NPM2: variants seen among roughly 807,000 people sequenced by gnomAD.
NPM2 encodes nucleophosmin/nucleoplasmin 2.
NPM2 carries 25 observed loss-of-function variants against 32.0 expected under a neutral mutation model. The ratio of observed to expected loss-of-function variants is 0.78; its 90% confidence interval spans 0.57 to 1.09. The LOEUF is 1.09. Among genes scored for constraint, NPM2 ranks in the 50% least tolerant of loss-of-function variants. The pLI, the probability that NPM2 is intolerant of heterozygous loss-of-function variation, is 0.00. For synonymous variants in NPM2, 111 were observed against 94.2 expected (o/e 1.18, Z -1.04); for missense variants, 282 against 259.9 (o/e 1.08, Z -0.58).
At chr8:22,028,862 GTCTGTAT>G (rs1554524702) in intron 5 of NPM2, among the ~76,000 whole-genome samples, 40 of 152,238 alleles carry the variant, frequency 2.6e-4, no homozygotes, top group Non-Finnish European at 1.3e-4. Context: ...GGCCAGTATA[GTCTGTAT>G]TCATTGTGAT....
chr8:22,034,346 C>A, intron 7 of NPM2, 71 bp downstream of exon 7: 2 of 1,481,688 alleles, frequency 1.3e-6, no homozygotes, highest in Admixed American at 2.0e-5. Flanking sequence ...GGGTGGGCCA[C>A]CGGGAGCCTG....
chr8:22,031,505 G>A (rs1800438602), intron 5 of NPM2, among the ~76,000 whole-genome samples: 1 of 152,192 alleles, frequency 6.6e-6, no homozygotes, highest in African/African-American at 2.4e-5. Flanking sequence ...GCACGCAGTG[G>A]CGCAATCTCG....
rs765646983 is a variant in NPM2, at chr8:22,033,125, T to C, written c.271-5T>C. 5 of 1,612,944 alleles carry C rather than the reference T, an allele frequency of 3.1e-6. No individual in the cohort carries two copies. Among genetic ancestry groups the C allele is most frequent in the Non-Finnish European group, 4.2e-6 (5 of 1,178,960 alleles). ...CCCTGTCTTCTCTGCTTCCTCCCCC[T>C]GCAGGTCTCCATGGTAGGAGTGCAG... On this transcript the variant is annotated splice_polypyrimidine_tract_variant and splice_region_variant and intron_variant, in intron 5 of 9. Transcript: ENST00000518119.
At chr8:22,034,063 G>A (rs562422730) in intron 6 of NPM2, 46 bp from the exon 7 acceptor site, 3 of 1,545,396 alleles carry the variant, frequency 1.9e-6, no homozygotes, top group Admixed American at 1.9e-5. Flanking sequence ...CATTGATTCT[G>A]TAGCTCTGAA....
At chr8:22,030,981 G>T (rs865775087) in intron 5 of NPM2, among the ~76,000 whole-genome samples, 1 of 152,184 alleles carries the variant, frequency 6.6e-6, no homozygotes, top group Non-Finnish European at 1.5e-5. Context: ...CTCATCTTTA[G>T]TTTATTTTGT....
chr8:22,029,812 G>A (rs143007655), intron 5 of NPM2, among the ~76,000 whole-genome samples: 364 of 152,324 alleles, frequency 2.4e-3, no homozygotes, highest in Non-Finnish European at 1.8e-3. Flanking sequence ...CAATGTTGCT[G>A]TTGAAGTCCT....
rs1406398269 is a variant in NPM2 at position 22,025,427 on chromosome 8, C to G, written c.59-9C>G. The G allele has an allele frequency of 6.2e-7, 1 of 1,613,482 alleles. No homozygotes were observed. Among genetic ancestry groups the G allele is most frequent in the South Asian group, 1.1e-5 (1 of 90,978 alleles). ...GAGGGCCCCACTTCCCTCCCTTTCT[C>G]CTCCGCAGGCTGCGAGCTCAGTCAG... is the stretch of plus-strand genomic sequence containing the variant. On this transcript the variant is annotated splice_polypyrimidine_tract_variant and intron_variant, in intron 3 of 9. Coordinates refer to ENST00000518119, the MANE Select transcript of NPM2 (RefSeq NM_001286680.2).
intron 5 of NPM2, among the ~76,000 whole-genome samples, chr8:22,026,142 G>A (rs1050487366): frequency 2.0e-5 from 3 of 152,132 alleles, no homozygotes; most frequent in African/African-American, 7.2e-5. Context: ...AGAGGAGCAT[G>A]AACCCTATGG....
chr8:22,031,151 A>G (rs547701949), intron 5 of NPM2, among the ~76,000 whole-genome samples: 2 of 152,308 alleles, frequency 1.3e-5, no homozygotes, highest in African/African-American at 4.8e-5. Context: ...CAGACCCCAT[A>G]AGTGAGAGGT....
At chr8:22,030,212 C>T (rs1800392496) in intron 5 of NPM2, among the ~76,000 whole-genome samples, 1 of 152,044 alleles carries the variant, frequency 6.6e-6, no homozygotes, top group Non-Finnish European at 1.5e-5. Flanking sequence ...CTGGTTTTTT[C>T]TGCTTTTTAA....
chr8:22,034,569 A>G, intron 8 of NPM2, 25 bp downstream of exon 8: 2 of 1,584,794 alleles, frequency 1.3e-6, no homozygotes, highest in Non-Finnish European at 1.7e-6. Flanking sequence ...CTATTAAATT[A>G]GCCAAAGTCT....
rs1322901814 is a variant in NPM2 at position 22,036,483 on chromosome 8, C to G, written c.567-10C>G. On this transcript the variant is annotated splice_polypyrimidine_tract_variant and intron_variant, in intron 8 of 9. Transcript: ENST00000518119. ...CAATCCCACTCCTGCTCCGCTCCAC[C>G]CTGTTGCAGAGCCAGCGTTAGAGAC... is the stretch of plus-strand genomic sequence containing the variant. The G allele has an allele frequency of 6.2e-7, 1 of 1,603,802 alleles. No individual in the cohort carries two copies. Among genetic ancestry groups the G allele is most frequent in the Non-Finnish European group, 8.5e-7 (1 of 1,175,436 alleles).
chr8:22,025,481 AGC>A lies in NPM2; in HGVS notation c.105_106del (p.Gln35HisfsTer87), dbSNP rs771679903. On this transcript the variant is annotated frameshift_variant, in exon 4 of 10. Transcript: ENST00000518119. LOFTEE classifies it high-confidence loss of function. ...AGGCGGACTTGGACCTTCAGACCCC[AGC>A]TGGAGGGGAAGCAGAGCTGCAGGCT... is the stretch of plus-strand genomic sequence containing the variant. The A allele has an allele frequency of 6.2e-7, 1 of 1,614,134 alleles. No homozygotes were observed. The highest frequency in any genetic ancestry group is 8.5e-7 in the Non-Finnish European group (1 of 1,180,008).
chr8:22,034,382 A>G, intron 7 of NPM2, 107 bp downstream of exon 7: 1 of 1,382,628 alleles, frequency 7.2e-7, no homozygotes, highest in Non-Finnish European at 1.0e-6. Flanking sequence ...ATGAGTGTAC[A>G]GGATGGGCCA....
Position 22,025,726 on chromosome 8 carries a change from T to C in NPM2, c.224T>C (p.Met75Thr). 6.2e-7 allele frequency: 1 copy of C among 1,614,140 alleles called. No individual in the cohort carries two copies. The highest frequency in any genetic ancestry group is 8.5e-7 in the Non-Finnish European group (1 of 1,180,002). The change falls in exon 5 of 10, where the codon ATG becomes ACG. Residue 75 changes from methionine (M) to threonine (T), a missense_variant. Transcript: ENST00000518119. Reference protein sequence around the residue: ...LPPANQEDKKMQPVTIASLQA... With the variant: ...LPPANQEDKKTQPVTIASLQA... ...CCAGCAAACCAGGAGGACAAGAAGA[T>C]GCAGCCGGTCACCATTGCCTCACTC...
chr8:22,036,514 C>A lies in NPM2; in HGVS notation c.588C>A (p.Ser196Arg). Reference protein sequence around the residue: ...EEIRASVRDKSPVKKAKATAR... With the variant: ...EEIRASVRDKRPVKKAKATAR... ...GCAGAGCCAGCGTTAGAGACAAGAG[C>A]CCTGTGAAAAAGGTGAGTAGGACCA... is the stretch of plus-strand genomic sequence containing the variant. Residue 196 changes from serine (S) to arginine (R), a missense_variant, in exon 9 of 10, where the codon AGC becomes AGA. Ser to Arg is a moderately radical substitution (Grantham distance 110, BLOSUM62 -1). Transcript: ENST00000518119. 6.2e-7 allele frequency: 1 copy of A among 1,603,164 alleles called. No individual in the cohort carries two copies. Among genetic ancestry groups the A allele is most frequent in the Non-Finnish European group, 8.5e-7 (1 of 1,175,092 alleles).
chr8:22,028,887 G>A (rs1423174211), intron 5 of NPM2, among the ~76,000 whole-genome samples: 1 of 152,120 alleles, frequency 6.6e-6, no homozygotes, highest in East Asian at 1.9e-4. Flanking sequence ...GATTGCTGAT[G>A]TAATTGGATT....
chr8:22,034,176 A>AGATGAT lies in NPM2; in HGVS notation c.435_440dup (p.Asp145_Asp146dup). ...GGGAGGAGGAGGAAGAGGAAGAGGAAGATGATGAGGATGAGGATGCAGATA... is the reference window on the plus strand; with the variant it reads ...GGGAGGAGGAGGAAGAGGAAGAGGAAGATGATGATGATGAGGATGAGGATGCAGATA... On this transcript the variant is annotated inframe_insertion, in exon 7 of 10. Transcript: ENST00000518119. The AGATGAT allele has an allele frequency of 6.2e-7, 1 of 1,612,814 alleles. No individual in the cohort carries two copies. The highest frequency in any genetic ancestry group is 8.5e-7 in the Non-Finnish European group (1 of 1,179,470).
At position 22,025,326 on chromosome 8, in the gene NPM2, C is replaced by T. The variant is rs376658525; in HGVS notation, c.58+20C>T. The T allele has an allele frequency of 1.3e-4, 208 of 1,603,264 alleles. No individual in the cohort carries two copies. Among genetic ancestry groups the T allele is most frequent in the Admixed American group, 1.6e-4 (9 of 57,456 alleles). On this transcript the variant is annotated intron_variant, in intron 3 of 9. Coordinates refer to ENST00000518119, the MANE Select transcript of NPM2 (RefSeq NM_001286680.2). ...TCTGGGGTGAGTGGGGACTCAGGCT[C>T]CTTCCCAGAGACACGCCCCACCTCC...
Sources: allele counts gnomAD v4.1 joint callset (sites outside exome capture counted in the v4.1 genomes callset), GRCh38; gene constraint gnomAD v4.1.1; transcripts MANE v1.5; gene names NCBI Gene and HGNC (gene_info 2026-07-23, HGNC 2026-07-21).